The following SHTN1 variants were observed in gnomAD, a reference collection of about 807,000 sequenced individuals.
SHTN1 encodes the protein shootin-1.
Under a neutral mutation model 83.1 loss-of-function variants are expected in SHTN1, and 42 were observed. The ratio of observed to expected loss-of-function variants is 0.51; its 90% confidence interval spans 0.39 to 0.65. The LOEUF is 0.65. Among genes scored for constraint, SHTN1 ranks in the 30% least tolerant of loss-of-function variants. The pLI, the probability that SHTN1 is intolerant of heterozygous loss-of-function variation, is 0.00. For synonymous variants in SHTN1, 224 were observed against 247.7 expected (o/e 0.90, Z 0.90); for missense variants, 622 against 737.8 (o/e 0.84, Z 1.82).
chr10:116,928,814 CA>C (rs1848843896), intron 10 of SHTN1, among the ~76,000 whole-genome samples: 1 of 152,088 alleles, frequency 6.6e-6, no homozygotes, highest in South Asian at 2.1e-4. Flanking sequence ...TCTCTGAAGA[CA>C]AAAAGCATGG....
chr10:116,923,563 T>G (rs1473606737), intron 11 of SHTN1, among the ~76,000 whole-genome samples: 1 of 150,964 alleles, frequency 6.6e-6, no homozygotes, highest in Non-Finnish European at 1.5e-5. Context: ...TTCTTTCCTT[T>G]TTTTTTTTTT....
intron 1 of SHTN1, among the ~76,000 whole-genome samples, chr10:117,049,655 T>C (rs930724041): frequency 6.6e-6 from 1 of 152,198 alleles, no homozygotes; most frequent in Admixed American, 6.5e-5. Context: ...GATAGTCTAG[T>C]ACTATTCTGC....
intron 2 of SHTN1, among the ~76,000 whole-genome samples, chr10:117,011,155 G>A (rs1767589116): frequency 6.6e-6 from 1 of 152,214 alleles, no homozygotes; most frequent in South Asian, 2.1e-4. Flanking sequence ...TAGCTATATA[G>A]AGAAAATCCC....
At chr10:117,121,533 C>T (rs936364357) in intron 1 of SHTN1, among the ~76,000 whole-genome samples, 2 of 151,016 alleles carry the variant, frequency 1.3e-5, no homozygotes, top group Admixed American at 6.6e-5. Context: ...GAGCTGAGAT[C>T]ATGCCACTAT....
chr10:116,902,303 T>C (rs562739558), intron 15 of SHTN1, among the ~76,000 whole-genome samples: 35 of 152,278 alleles, frequency 2.3e-4, no homozygotes, highest in African/African-American at 7.5e-4. Context: ...ACTCGAACCA[T>C]TTCGCCTCTC....
chr10:116,966,953 G>C (rs1850416918), intron 3 of SHTN1, among the ~76,000 whole-genome samples: 1 of 152,186 alleles, frequency 6.6e-6, no homozygotes. Flanking sequence ...CCAAAGACAG[G>C]TAATATCAAT....
intron 2 of SHTN1, among the ~76,000 whole-genome samples, chr10:116,972,608 C>T (rs1850656719): frequency 6.6e-6 from 1 of 152,218 alleles, no homozygotes; most frequent in African/African-American, 2.4e-5. Context: ...AAGCCCCTCA[C>T]CCATCCCACC....
At chr10:117,104,753 G>C (rs566051197) in intron 1 of SHTN1, among the ~76,000 whole-genome samples, 1 of 152,090 alleles carries the variant, frequency 6.6e-6, no homozygotes, top group Non-Finnish European at 1.5e-5. Flanking sequence ...CAGCCTGGGC[G>C]ACAGAGCGAG....
chr10:117,096,449 G>C (rs929041280), intron 1 of SHTN1, among the ~76,000 whole-genome samples: 1 of 152,254 alleles, frequency 6.6e-6, no homozygotes, highest in Non-Finnish European at 1.5e-5. Context: ...CAAGAGAAAT[G>C]TAAGGACAAA....
chr10:116,955,791 G>A lies in SHTN1; in HGVS notation c.268-1581C>T, dbSNP rs118121278. ...TGAACTCTTCCATGGATTCTTCCTG[G>A]AAGACTGGCAAGCTCTATTCAGGAA... On this transcript the variant is annotated intron_variant, in intron 4 of 16. Transcript: ENST00000355371. 4.7e-4 allele frequency among the ~76,000 whole-genome samples: 71 copies of A among 152,246 alleles called. 1 individual carries two copies. In the East Asian group the frequency reaches 0.013, roughly 29 times the overall value.
chr10:116,982,734 G>GA (rs1169520616), intron 1 of SHTN1, among the ~76,000 whole-genome samples: 2 of 152,124 alleles, frequency 1.3e-5, no homozygotes, highest in Admixed American at 6.5e-5. Context: ...AGGTGGGGGG[G>GA]AATCACTTGA....
chr10:117,119,549 T>C (rs939553857), intron 1 of SHTN1, among the ~76,000 whole-genome samples: 2 of 152,162 alleles, frequency 1.3e-5, no homozygotes. Context: ...TACCAAATAC[T>C]GGCGAGGATG....
chr10:116,936,032 T>C (rs1195520607), intron 9 of SHTN1, among the ~76,000 whole-genome samples: 1 of 152,196 alleles, frequency 6.6e-6, no homozygotes, highest in African/African-American at 2.4e-5. Flanking sequence ...ACATTTTTAC[T>C]GTGTCTATTT....
At chr10:116,973,047 T>C (rs1216917699) in intron 2 of SHTN1, among the ~76,000 whole-genome samples, 2 of 152,172 alleles carry the variant, frequency 1.3e-5, no homozygotes, top group East Asian at 1.9e-4. Context: ...CAGTGTGAAT[T>C]AGTATCTTCC....
At chr10:117,060,929 A>T (rs191928897) in intron 1 of SHTN1, among the ~76,000 whole-genome samples, 49 of 152,328 alleles carry the variant, frequency 3.2e-4, no homozygotes, top group African/African-American at 1.1e-3. Context: ...ATCTGCCTAG[A>T]TGATTCTGTT....
intron 1 of SHTN1, among the ~76,000 whole-genome samples, chr10:117,092,027 C>T (rs539511847): frequency 6.6e-6 from 1 of 152,260 alleles, no homozygotes; most frequent in South Asian, 2.1e-4. Context: ...ATTCTCAACC[C>T]CTTATAAATG....
At chr10:116,896,856 G>C (rs1309780148) in intron 16 of SHTN1, among the ~76,000 whole-genome samples, 1 of 150,752 alleles carries the variant, frequency 6.6e-6, no homozygotes, top group Admixed American at 6.6e-5. Flanking sequence ...CCCAGGCTGG[G>C]AGTGCAGTGG....
At chr10:116,933,167 A>ATTAT (rs925250654) in intron 9 of SHTN1, among the ~76,000 whole-genome samples, 1 of 151,896 alleles carries the variant, frequency 6.6e-6, no homozygotes, top group Non-Finnish European at 1.5e-5. Context: ...AATTATTTTT[A>ATTAT]TTATTTATTT....
intron 1 of SHTN1, among the ~76,000 whole-genome samples, chr10:117,108,711 AT>A: frequency 6.6e-6 from 1 of 151,612 alleles, no homozygotes; most frequent in Non-Finnish European, 1.5e-5. Flanking sequence ...TATAATAATA[AT>A]TTAAAAACAA....
Sources: allele counts gnomAD v4.1 joint callset (sites outside exome capture counted in the v4.1 genomes callset), GRCh38; gene constraint gnomAD v4.1.1; transcripts MANE v1.5; gene names NCBI Gene and HGNC (gene_info 2026-07-23, HGNC 2026-07-21).